EPB41L4A: variants seen among roughly 807,000 people sequenced by gnomAD.
EPB41L4A encodes band 4.1-like protein 4A.
Under a neutral mutation model 108.6 loss-of-function variants are expected in EPB41L4A, and 100 were observed. The observed-to-expected ratio is 0.92, with a 90% CI of 0.78 to 1.09. The LOEUF (loss-of-function observed/expected upper bound fraction) is 1.09. Among genes scored for constraint, EPB41L4A ranks in the 50% least tolerant of loss-of-function variants. The pLI is 0.00. For missense variants in EPB41L4A, 1,030 were observed against 842.7 expected (o/e 1.22, Z -2.75); for synonymous variants, 319 against 289.0 (o/e 1.10, Z -1.05).
chr5:112,230,394 A>AT (rs953155933), intron 12 of EPB41L4A, among the ~76,000 whole-genome samples: 45 of 93,864 alleles, frequency 4.8e-4, no homozygotes, highest in Non-Finnish European at 1.1e-3. Context: ...AACATCTATT[A>AT]TTTTTTTTAT....
At chr5:112,189,057 T>G (rs1351482278) in intron 17 of EPB41L4A, among the ~76,000 whole-genome samples, 1 of 152,242 alleles carries the variant, frequency 6.6e-6, no homozygotes, top group African/African-American at 2.4e-5. Flanking sequence ...ATCTACTATT[T>G]AGATACTGTA....
intron 1 of EPB41L4A, among the ~76,000 whole-genome samples, chr5:112,362,588 A>T (rs1050781164): frequency 5.9e-5 from 9 of 152,186 alleles, no homozygotes; most frequent in Non-Finnish European, 1.2e-4. Flanking sequence ...GACTTAGAAC[A>T]TTAATTTTAA....
downstream of EPB41L4A, among the ~76,000 whole-genome samples, chr5:112,158,021 G>C (rs1759710345): frequency 6.6e-6 from 1 of 152,194 alleles, no homozygotes; most frequent in South Asian, 2.1e-4. Flanking sequence ...CAGGATTCAG[G>C]AGGCTGAAGC....
intron 1 of EPB41L4A, among the ~76,000 whole-genome samples, chr5:112,414,523 G>C (rs1261601060): frequency 6.6e-6 from 1 of 152,102 alleles, no homozygotes; most frequent in Non-Finnish European, 1.5e-5. Flanking sequence ...CAAGGGACAG[G>C]ATAAACTCCC....
intron 17 of EPB41L4A, among the ~76,000 whole-genome samples, chr5:112,188,186 AT>A: frequency 6.6e-6 from 1 of 151,488 alleles, no homozygotes; most frequent in East Asian, 1.9e-4. Context: ...AACTGTACTC[AT>A]TTTTTTTGGA....
intron 2 of EPB41L4A, among the ~76,000 whole-genome samples, chr5:112,300,092 T>C (rs1247976144): frequency 6.6e-6 from 1 of 152,232 alleles, no homozygotes; most frequent in Admixed American, 6.5e-5. Context: ...TGAATTCTTA[T>C]CCATTCTGCA....
chr5:112,269,755 C>T lies in EPB41L4A; in HGVS notation c.336-3425G>A, dbSNP rs1752129425. Reference sequence around the variant, plus strand: ...GTACCATACTGGGGAAAAATGCTAACTAAAAATATCTACTTAACAAGGAAG... The same window carrying T: ...GTACCATACTGGGGAAAAATGCTAATTAAAAATATCTACTTAACAAGGAAG... On this transcript the variant is annotated intron_variant, in intron 4 of 22. Coordinates refer to ENST00000261486, the MANE Select transcript of EPB41L4A (RefSeq NM_022140.5). 2.6e-5 allele frequency among the ~76,000 whole-genome samples: 4 copies of T among 152,158 alleles called. No homozygotes were observed. The South Asian group carries it at 8.3e-4, about 32-fold the overall frequency.
intron 13 of EPB41L4A, among the ~76,000 whole-genome samples, chr5:112,144,693 C>T (rs957194820): frequency 6.6e-6 from 1 of 152,208 alleles, no homozygotes; most frequent in Admixed American, 6.5e-5. Flanking sequence ...AGAAGAAAAC[C>T]TAGAGGTCAT....
intron 1 of EPB41L4A, among the ~76,000 whole-genome samples, chr5:112,316,368 C>G (rs1755428031): frequency 6.6e-6 from 1 of 152,212 alleles, no homozygotes; most frequent in South Asian, 2.1e-4. Context: ...GACCACAATA[C>G]ATTCCTAGTT....
intron 1 of EPB41L4A, among the ~76,000 whole-genome samples, chr5:112,404,170 T>C (rs1420629780): frequency 2.6e-5 from 4 of 152,252 alleles, no homozygotes; most frequent in Non-Finnish European, 5.9e-5. Context: ...TATCTAACTA[T>C]ATCATCTCTC....
At chr5:112,249,896 G>A (rs1000437966) in intron 9 of EPB41L4A, among the ~76,000 whole-genome samples, 15 of 152,114 alleles carry the variant, frequency 9.9e-5, no homozygotes, top group Admixed American at 9.8e-4. Flanking sequence ...AGCTAGTAAG[G>A]TTGTGGGTTG....
intron 15 of EPB41L4A, among the ~76,000 whole-genome samples, chr5:112,199,885 T>C (rs1580417589): frequency 1.3e-5 from 2 of 152,190 alleles, no homozygotes; most frequent in Admixed American, 6.5e-5. Context: ...CCATTCTCTA[T>C]TGCTAGGACT....
intron 2 of EPB41L4A, among the ~76,000 whole-genome samples, chr5:112,281,752 C>T (rs1032382698): frequency 5.2e-4 from 79 of 152,302 alleles, no homozygotes; most frequent in African/African-American, 1.8e-3. Flanking sequence ...TTATAAATGG[C>T]AATTATAATG....
intron 12 of EPB41L4A, among the ~76,000 whole-genome samples, chr5:112,230,353 TA>T (rs1301189141): frequency 1.3e-5 from 2 of 152,200 alleles, no homozygotes; most frequent in African/African-American, 4.8e-5. Flanking sequence ...ACCAGCAGTG[TA>T]AAAGTGTTAC....
chr5:112,329,848 G>A (rs1485206174), intron 1 of EPB41L4A, among the ~76,000 whole-genome samples: 1 of 151,938 alleles, frequency 6.6e-6, no homozygotes, highest in Non-Finnish European at 1.5e-5. Context: ...ACAGTGGGTG[G>A]CCCGCAGGGT....
At chr5:112,145,430 G>C (rs933067532) in intron 13 of EPB41L4A, among the ~76,000 whole-genome samples, 1 of 152,146 alleles carries the variant, frequency 6.6e-6, no homozygotes, top group African/African-American at 2.4e-5. Context: ...ATTTGAGATG[G>C]AGATTTTGTA....
chr5:112,394,824 T>C (rs1275324349), intron 1 of EPB41L4A, among the ~76,000 whole-genome samples: 1 of 152,138 alleles, frequency 6.6e-6, no homozygotes, highest in Non-Finnish European at 1.5e-5. Flanking sequence ...GGCATCATGC[T>C]AGCTACCTGA....
chr5:112,337,584 A>G (rs936860010), intron 1 of EPB41L4A, among the ~76,000 whole-genome samples: 2 of 152,188 alleles, frequency 1.3e-5, no homozygotes, highest in East Asian at 1.9e-4. Context: ...GATTGACCTA[A>G]GGTCACACAG....
intron 1 of EPB41L4A, among the ~76,000 whole-genome samples, chr5:112,392,089 AG>A (rs1760984032): frequency 6.6e-6 from 1 of 152,202 alleles, no homozygotes; most frequent in African/African-American, 2.4e-5. Context: ...AAACATGGAA[AG>A]GAACAACTGG....
Sources: gnomAD v4.1 joint callset for allele counts (sites outside exome capture counted in the v4.1 genomes callset) on GRCh38, gnomAD v4.1.1 for gene constraint, MANE v1.5 for transcripts, NCBI Gene and HGNC (gene_info 2026-07-23, HGNC 2026-07-21) for gene names.